The following USH2A variants were observed in gnomAD, a reference collection of about 807,000 sequenced individuals.
The protein encoded by USH2A is usherin, also known as Usher syndrome 2A (autosomal recessive, mild).
USH2A carries 443 observed loss-of-function variants against 538.9 expected under a neutral mutation model. The ratio of observed to expected loss-of-function variants is 0.82; its 90% confidence interval spans 0.76 to 0.89. USH2A has a LOEUF of 0.89. Ranked by LOEUF, USH2A falls within the 40% of genes least tolerant of loss-of-function variation. The pLI, the probability that USH2A is intolerant of heterozygous loss-of-function variation, is 0.00. For missense variants in USH2A, 6,633 were observed against 6,324.8 expected (o/e 1.05, Z -1.65); for synonymous variants, 2,413 against 2,273.5 (o/e 1.06, Z -1.75).
Position 215,766,756 on chromosome 1 carries a change from GA to G in USH2A, c.10971del (p.Thr3659GlnfsTer15). On this transcript the variant is annotated frameshift_variant, in exon 56 of 72. Coordinates refer to ENST00000307340, the MANE Select transcript of USH2A (RefSeq NM_206933.4). LOFTEE classifies it high-confidence loss of function. ...GLQPYTNYSF[T>X]LTACTSAGCT... is the part of the protein sequence containing the mutation. The stretch of plus-strand genomic sequence containing the variant: ...CACCCAGCAGATGTACAAGCTGTAA[GA>G]GTGAAGCTGTAGTTGGTGTATGGCT... 3 of 1,613,656 alleles carry G rather than the reference GA, an allele frequency of 1.9e-6. No homozygotes were observed. Among genetic ancestry groups the G allele is most frequent in the Non-Finnish European group, 2.5e-6 (3 of 1,179,632 alleles).
chr1:215,874,869 C>T (rs1338310013), intron 43 of USH2A, among the ~76,000 whole-genome samples: 2 of 152,096 alleles, frequency 1.3e-5, no homozygotes, highest in Non-Finnish European at 2.9e-5. Context: ...TATTAGAATT[C>T]AATTAAAAAC....
At position 216,323,650 on chromosome 1, in the gene USH2A, T is replaced by G. The variant is rs759535975; in HGVS notation, c.1374A>C (p.Thr458=). 6.2e-7 allele frequency: 1 copy of G among 1,613,554 alleles called. No individual in the cohort carries two copies. The highest frequency in any genetic ancestry group is 8.5e-7 in the Non-Finnish European group (1 of 1,179,720). Residue 458 remains threonine (T), a synonymous_variant, in exon 8 of 72, where the codon ACA becomes ACC. Coordinates refer to ENST00000307340, the MANE Select transcript of USH2A (RefSeq NM_206933.4). ...SRGNVTFSIL[T]PGPNYRPGYN... ...ATCCAGGACGATAATTTGGTCCAGG[T>G]GTCAGGATGCTAAATGTGACATTGC...
chr1:215,739,428 C>T (rs760852030), intron 60 of USH2A, among the ~76,000 whole-genome samples: 8 of 152,172 alleles, frequency 5.3e-5, no homozygotes, highest in Admixed American at 2.0e-4. Flanking sequence ...ACTGTAATCA[C>T]GAGCTTTATT....
At chr1:216,286,058 T>C (rs1436926455) in intron 11 of USH2A, among the ~76,000 whole-genome samples, 1 of 152,108 alleles carries the variant, frequency 6.6e-6, no homozygotes, top group East Asian at 1.9e-4. Flanking sequence ...CTGGAATGAG[T>C]TAACACTGTG....
intron 21 of USH2A, among the ~76,000 whole-genome samples, chr1:216,151,729 T>A (rs1173024294): frequency 6.6e-6 from 1 of 152,120 alleles, no homozygotes; most frequent in African/African-American, 2.4e-5. Flanking sequence ...TGAGGAGTGT[T>A]GTTTTTACCT....
chr1:215,758,077 A>C (rs1660864626), intron 58 of USH2A, among the ~76,000 whole-genome samples: 1 of 152,162 alleles, frequency 6.6e-6, no homozygotes, highest in African/African-American at 2.4e-5. Flanking sequence ...TGAGGTCTGG[A>C]GTTCGAGACC....
chr1:216,158,918 A>T (rs1200835161), intron 21 of USH2A, among the ~76,000 whole-genome samples: 4 of 152,166 alleles, frequency 2.6e-5, no homozygotes, highest in Non-Finnish European at 5.9e-5. Context: ...TGGAGGTCCT[A>T]CATTACCTTT....
intron 44 of USH2A, among the ~76,000 whole-genome samples, chr1:215,863,155 C>G (rs1012913824): frequency 2.0e-5 from 3 of 152,068 alleles, no homozygotes; most frequent in Middle Eastern, 3.2e-3. Context: ...AAGAGGAACA[C>G]AGTAGGATGG....
rs78297120 is a variant in USH2A, at chr1:216,038,688, C to A, written c.6325+7743G>T. ...ATGTGTTTCCTTTGTAAATATCCAT[C>A]AAGCTGTACCCTTAAGATGTGTCCA... On this transcript the variant is annotated intron_variant, in intron 32 of 71. Transcript: ENST00000307340. Among the ~76,000 whole-genome samples the A allele has an allele frequency of 9.5e-3, 1,448 of 152,070 alleles. 22 individuals are homozygous for A. Among genetic ancestry groups the A allele is most frequent in the African/African-American group, 0.033 (1,361 of 41,504 alleles).
At chr1:215,872,555 T>G (rs1347088718) in intron 43 of USH2A, among the ~76,000 whole-genome samples, 1 of 152,122 alleles carries the variant, frequency 6.6e-6, no homozygotes, top group Admixed American at 6.6e-5. Context: ...ATGAAAGTAG[T>G]TTTTCTGCTT....
At chr1:215,704,025 C>T (rs1049190185) in intron 61 of USH2A, among the ~76,000 whole-genome samples, 1 of 152,164 alleles carries the variant, frequency 6.6e-6, no homozygotes, top group Admixed American at 6.5e-5. Context: ...ATAGCACAGT[C>T]GTTCATGGCA....
rs149358084 is a variant in USH2A, at chr1:216,339,681, C to A, written c.785-12027G>T. ...AAATTAGAGTTAAGATTAAAAAACT[C>A]ACTCAAAACCACACAACTACATGGA... On this transcript the variant is annotated intron_variant, in intron 4 of 71. Transcript: ENST00000307340. Among the ~76,000 whole-genome samples, 944 of 151,984 alleles carry A rather than the reference C, an allele frequency of 6.2e-3. 7 individuals are homozygous for A. Among genetic ancestry groups the A allele is most frequent in the Middle Eastern group, 0.02 (6 of 294 alleles).
intron 51 of USH2A, 119 bp from the exon 52 acceptor site, chr1:215,786,993 A>G: frequency 1.1e-6 from 1 of 887,160 alleles, no homozygotes; most frequent in Non-Finnish European, 1.7e-6. Context: ...TTGATGAATG[A>G]ATATTTCAAA....
At chr1:216,125,928 T>C (rs2033243321) in intron 21 of USH2A, among the ~76,000 whole-genome samples, 1 of 152,224 alleles carries the variant, frequency 6.6e-6, no homozygotes, top group Non-Finnish European at 1.5e-5. Flanking sequence ...TCTTTTATCA[T>C]TATAAGACAG....
Position 215,757,077 on chromosome 1 carries a change from T to C in USH2A, c.11389+1518A>G, listed in dbSNP as rs1387974217. On this transcript the variant is annotated intron_variant, in intron 58 of 71. Transcript: ENST00000307340. ...CGAAATTAAGAACAGAGTTCAAGAA[T>C]ATCTATGCTCTTACAACATAAAGAT... is the stretch of plus-strand genomic sequence containing the variant. Among the ~76,000 whole-genome samples the C allele has an allele frequency of 3.3e-5, 5 of 152,200 alleles. No homozygotes were observed. In the East Asian group the frequency reaches 9.6e-4, roughly 29 times the overall value.
intron 60 of USH2A, among the ~76,000 whole-genome samples, 198 bp from the exon 61 acceptor site, chr1:215,728,582 G>GACACAC (rs1311988583): frequency 0.033 from 4,876 of 148,094 alleles, 106 homozygotes; most frequent in African/African-American, 0.048. Flanking sequence ...AAGTGTAGTT[G>GACACAC]ACACACACAC....
chr1:215,805,513 A>G (rs1345883705), intron 49 of USH2A, among the ~76,000 whole-genome samples: 1 of 152,078 alleles, frequency 6.6e-6, no homozygotes, highest in African/African-American at 2.4e-5. Context: ...GATGGTGGTA[A>G]TGATTGTACA....
chr1:216,222,630 A>G (rs2102504697), intron 14 of USH2A, among the ~76,000 whole-genome samples: 1 of 152,318 alleles, frequency 6.6e-6, no homozygotes, highest in South Asian at 2.1e-4. Context: ...ACATAAGCAG[A>G]GGTCCAAGGA....
At chr1:215,831,253 C>T (rs1386718040) in intron 47 of USH2A, among the ~76,000 whole-genome samples, 1 of 151,958 alleles carries the variant, frequency 6.6e-6, no homozygotes, top group African/African-American at 2.4e-5. Context: ...TAGATAAAGC[C>T]ACAATGACAT....
Sources: allele counts gnomAD v4.1 joint callset (sites outside exome capture counted in the v4.1 genomes callset), GRCh38; gene constraint gnomAD v4.1.1; transcripts MANE v1.5; gene names NCBI Gene and HGNC (gene_info 2026-07-23, HGNC 2026-07-21).